CMTM8: variants seen among roughly 807,000 people sequenced by gnomAD.
CMTM8 encodes CKLF like MARVEL transmembrane domain containing 8, also known as CKLF-like MARVEL transmembrane domain-containing protein 8.
A neutral mutation model predicts 18.6 loss-of-function variants in CMTM8; 12 were observed. That is an observed-to-expected ratio of 0.65 (90% CI 0.41 to 1.05). The LOEUF (loss-of-function observed/expected upper bound fraction) is 1.05, where lower values mean the gene tolerates loss of function less well. Ranked by LOEUF, CMTM8 falls within the 50% of genes least tolerant of loss-of-function variation. CMTM8 has a pLI of 0.00. For synonymous variants in CMTM8, 87 were observed against 90.6 expected (o/e 0.96, Z 0.23); for missense variants, 217 against 227.2 (o/e 0.95, Z 0.29).
chr3:32,291,420 G>A (rs769941626), intron 1 of CMTM8, among the ~76,000 whole-genome samples: 81 of 152,300 alleles, frequency 5.3e-4, no homozygotes, highest in Non-Finnish European at 9.7e-4. Context: ...GATTACAGGC[G>A]TGAGCCACCG....
In CMTM8 at chr3:32,238,725, C is replaced by T. The variant is rs1386493114; in HGVS notation, c.-248C>T. The T allele has an allele frequency of 8.5e-6, 2 of 235,674 alleles. No homozygotes were observed. 14.6% of individuals were successfully genotyped at this position (235,674 alleles called of 1,614,324 possible). The stretch of plus-strand genomic sequence containing the variant: ...CTGCCCGGCAGCCTCCCCTCGCTCG[C>T]TCTCCTCTTCCTCTAGGGCCCCAGC... On this transcript the variant is annotated 5_prime_UTR_variant, in exon 1 of 4. Transcript: ENST00000307526.
intron 1 of CMTM8, among the ~76,000 whole-genome samples, chr3:32,263,734 C>T (rs553802988): frequency 1.2e-4 from 18 of 152,086 alleles, no homozygotes; most frequent in Non-Finnish European, 2.2e-4. Context: ...ACTAGAATAA[C>T]CAATGCAGAG....
At chr3:32,262,412 G>A (rs1702271058) in intron 1 of CMTM8, among the ~76,000 whole-genome samples, 1 of 152,204 alleles carries the variant, frequency 6.6e-6, no homozygotes, top group Non-Finnish European at 1.5e-5. Flanking sequence ...CCTCTAGTGA[G>A]CAGTAAGGCA....
At chr3:32,251,815 T>C (rs1245835622) in intron 1 of CMTM8, among the ~76,000 whole-genome samples, 1 of 150,800 alleles carries the variant, frequency 6.6e-6, no homozygotes, top group East Asian at 2.0e-4. Flanking sequence ...TTTGGTTGGG[T>C]GTGGTGGCTC....
intron 2 of CMTM8, among the ~76,000 whole-genome samples, chr3:32,360,699 C>T (rs1696906935): frequency 6.6e-6 from 1 of 152,242 alleles, no homozygotes; most frequent in South Asian, 2.1e-4. Flanking sequence ...TGACAGGCTC[C>T]TGCTGCCGAG....
intron 1 of CMTM8, among the ~76,000 whole-genome samples, chr3:32,349,548 AT>A (rs1370187687): frequency 6.6e-6 from 1 of 152,118 alleles, no homozygotes; most frequent in Non-Finnish European, 1.5e-5. Flanking sequence ...ATCAGAAGTA[AT>A]TTTGCCTCCC....
chr3:32,273,241 T>A (rs1269071425), intron 1 of CMTM8, among the ~76,000 whole-genome samples: 2 of 151,610 alleles, frequency 1.3e-5, no homozygotes, highest in African/African-American at 2.4e-5. Flanking sequence ...GGATTACAGA[T>A]GTGAGCCACT....
chr3:32,361,830 G>T (rs1029451892), intron 2 of CMTM8, among the ~76,000 whole-genome samples: 1 of 152,116 alleles, frequency 6.6e-6, no homozygotes, highest in Non-Finnish European at 1.5e-5. Context: ...GGGAGACTTG[G>T]ATAGGTTTTC....
intron 1 of CMTM8, among the ~76,000 whole-genome samples, chr3:32,253,478 G>A (rs1702140117): frequency 6.6e-6 from 1 of 151,418 alleles, no homozygotes; most frequent in South Asian, 2.1e-4. Context: ...CCTAGTAGCT[G>A]GGATTACAGT....
At chr3:32,291,152 A>G (rs1702773858) in intron 1 of CMTM8, among the ~76,000 whole-genome samples, 1 of 151,740 alleles carries the variant, frequency 6.6e-6, no homozygotes, top group Non-Finnish European at 1.5e-5. Context: ...TTTTTAATAC[A>G]GAGTCTCGTT....
chr3:32,368,616 A>G (rs969511303), intron 3 of CMTM8, among the ~76,000 whole-genome samples: 10 of 151,986 alleles, frequency 6.6e-5, no homozygotes, highest in African/African-American at 2.4e-4. Context: ...CTGCACCACC[A>G]TGCCCAGCTA....
chr3:32,286,616 G>C (rs537448482), intron 1 of CMTM8, among the ~76,000 whole-genome samples: 1 of 152,174 alleles, frequency 6.6e-6, no homozygotes, highest in African/African-American at 2.4e-5. Context: ...TTTCCCATAG[G>C]AAGGCGTAAC....
intron 1 of CMTM8, among the ~76,000 whole-genome samples, chr3:32,270,138 T>C (rs1210268555): frequency 6.6e-6 from 1 of 152,102 alleles, no homozygotes; most frequent in Non-Finnish European, 1.5e-5. Flanking sequence ...CCCAGGCTGG[T>C]CTCAAACTCT....
At chr3:32,283,296 C>T (rs1052263419) in intron 1 of CMTM8, among the ~76,000 whole-genome samples, 1 of 152,104 alleles carries the variant, frequency 6.6e-6, no homozygotes, top group South Asian at 2.1e-4. Flanking sequence ...TCTTTTCCAC[C>T]TTGGGATAGT....
chr3:32,246,788 G>T (rs1559360543), intron 1 of CMTM8, among the ~76,000 whole-genome samples: 2 of 152,160 alleles, frequency 1.3e-5, no homozygotes, highest in South Asian at 4.1e-4. Context: ...TGATAAGAGG[G>T]TATATGAATC....
At chr3:32,268,006 C>T (rs1702374524) in intron 1 of CMTM8, among the ~76,000 whole-genome samples, 1 of 152,184 alleles carries the variant, frequency 6.6e-6, no homozygotes, top group Non-Finnish European at 1.5e-5. Flanking sequence ...GGACTGTAAA[C>T]TAGTTCAACC....
intron 1 of CMTM8, among the ~76,000 whole-genome samples, chr3:32,346,445 G>C (rs1003583869): frequency 1.3e-5 from 2 of 152,200 alleles, no homozygotes; most frequent in African/African-American, 4.8e-5. Context: ...TTAAACAACA[G>C]GAATTTATTT....
chr3:32,353,245 C>T (rs1696749132), intron 1 of CMTM8, among the ~76,000 whole-genome samples: 1 of 152,212 alleles, frequency 6.6e-6, no homozygotes, highest in Non-Finnish European at 1.5e-5. Flanking sequence ...CCGCCTGCCT[C>T]AGCCGCCCAA....
At chr3:32,295,861 C>A (rs752801968) in intron 1 of CMTM8, among the ~76,000 whole-genome samples, 4 of 152,160 alleles carry the variant, frequency 2.6e-5, no homozygotes, top group Non-Finnish European at 5.9e-5. Context: ...TATCTATCCA[C>A]CCTACGTTCC....
Sources: gnomAD v4.1 joint callset for allele counts (sites outside exome capture counted in the v4.1 genomes callset) on GRCh38, gnomAD v4.1.1 for gene constraint, MANE v1.5 for transcripts, NCBI Gene and HGNC (gene_info 2026-07-23, HGNC 2026-07-21) for gene names.